The following TEAD1 variants were observed in gnomAD, a reference collection of about 807,000 sequenced individuals.
The protein encoded by TEAD1 is transcriptional enhancer factor TEF-1.
TEAD1 carries 9 observed loss-of-function variants against 54.9 expected under a neutral mutation model. That is an observed-to-expected ratio of 0.16 (90% confidence interval 0.10 to 0.29). TEAD1 has a LOEUF of 0.29. Ranked by LOEUF, TEAD1 falls within the 10% of genes least tolerant of loss-of-function variation. TEAD1 has a pLI of 1.00. For missense variants in TEAD1, 387 were observed against 535.9 expected (o/e 0.72, Z 2.74); for synonymous variants, 200 against 187.8 (o/e 1.07, Z -0.53).
In TEAD1 at chr11:12,934,544, A is replaced by AAAAT. The variant is rs575687713; in HGVS notation, c.1168-2549_1168-2546dup. On this transcript the variant is annotated intron_variant, in intron 12 of 12. Coordinates refer to ENST00000527636, the MANE Select transcript of TEAD1 (RefSeq NM_021961.6). ...TACCCTAAAACTTAAAGTATAATAA[A>AAAAT]AAATAAATAAATAAATAAAGCTAAA... Among the ~76,000 whole-genome samples, 11 of 152,106 alleles carry AAAAT rather than the reference A, an allele frequency of 7.2e-5. No individual in the cohort carries two copies. The East Asian group carries it at 1.2e-3, about 16-fold the overall frequency.
At chr11:12,767,595 G>T (rs1945230645) in intron 3 of TEAD1, among the ~76,000 whole-genome samples, 1 of 152,188 alleles carries the variant, frequency 6.6e-6, no homozygotes, top group Non-Finnish European at 1.5e-5. Flanking sequence ...GAGAAAAAAG[G>T]ACAACTCTAT....
At chr11:12,828,704 A>G (rs1340948330) in intron 3 of TEAD1, among the ~76,000 whole-genome samples, 2 of 119,036 alleles carry the variant, frequency 1.7e-5, no homozygotes, top group South Asian at 2.6e-4. Flanking sequence ...AATGGTACCT[A>G]TTAACCAAAA....
At chr11:12,754,008 CA>C (rs1359300493) in intron 2 of TEAD1, among the ~76,000 whole-genome samples, 3 of 152,254 alleles carry the variant, frequency 2.0e-5, no homozygotes, top group African/African-American at 7.2e-5. Context: ...CAGGGTAATG[CA>C]GTGTCACTTT....
intron 2 of TEAD1, among the ~76,000 whole-genome samples, chr11:12,715,957 C>T (rs1365188927): frequency 1.3e-5 from 2 of 152,086 alleles, no homozygotes; most frequent in South Asian, 2.1e-4. Flanking sequence ...AATCGTAATT[C>T]ATTTTTTTAC....
chr11:12,790,339 T>C (rs905444007), intron 3 of TEAD1, among the ~76,000 whole-genome samples: 6 of 152,220 alleles, frequency 3.9e-5, no homozygotes, highest in Non-Finnish European at 4.4e-5. Context: ...CAAGTCATTT[T>C]ACCTCTTGGG....
intron 5 of TEAD1, among the ~76,000 whole-genome samples, chr11:12,873,200 C>T (rs1743520946): frequency 1.3e-5 from 2 of 152,224 alleles, no homozygotes; most frequent in Non-Finnish European, 2.9e-5. Flanking sequence ...CACTCTGGAG[C>T]TTAACTTGAG....
At chr11:12,857,578 C>CTG (rs10694132) in intron 3 of TEAD1, among the ~76,000 whole-genome samples, 7,365 of 145,618 alleles carry the variant, frequency 0.051, 234 homozygotes, top group African/African-American at 0.087. Context: ...CTCTCTGTCT[C>CTG]TGTGTGTGTG....
chr11:12,679,483 A>G (rs1041799807), intron 2 of TEAD1, among the ~76,000 whole-genome samples: 2 of 152,192 alleles, frequency 1.3e-5, no homozygotes, highest in African/African-American at 4.8e-5. Flanking sequence ...TGTATGTGTA[A>G]AGTGACTGAA....
intron 12 of TEAD1, 69 bp downstream of exon 12, chr11:12,930,395 G>A: frequency 1.3e-6 from 2 of 1,595,340 alleles, no homozygotes; most frequent in Non-Finnish European, 1.7e-6. Context: ...GAGGAAGGTG[G>A]GCCTGGGAGG....
At chr11:12,936,980 A>G in intron 12 of TEAD1, 129 bp from the exon 13 acceptor site, 1 of 670,564 alleles carries the variant, frequency 1.5e-6, no homozygotes, top group South Asian at 1.7e-5. Context: ...TAGAGGACAC[A>G]GAGTGAGGCT....
chr11:12,846,255 C>G (rs998649464), intron 3 of TEAD1, among the ~76,000 whole-genome samples: 1 of 151,978 alleles, frequency 6.6e-6, no homozygotes, highest in Non-Finnish European at 1.5e-5. Context: ...CCCCCACCCC[C>G]CAGAGCCTCC....
intron 9 of TEAD1, among the ~76,000 whole-genome samples, chr11:12,897,172 C>A (rs1048922239): frequency 6.6e-5 from 10 of 152,102 alleles, no homozygotes; most frequent in Non-Finnish European, 1.5e-4. Context: ...TTGTTTTGTG[C>A]CCCATAGAAT....
chr11:12,775,146 C>T (rs141875013), intron 3 of TEAD1, among the ~76,000 whole-genome samples: 4 of 152,146 alleles, frequency 2.6e-5, no homozygotes, highest in African/African-American at 9.7e-5. Context: ...TTAAGCATCC[C>T]TAGTTCAGTT....
At chr11:12,756,948 T>TC (rs998512112) in intron 2 of TEAD1, among the ~76,000 whole-genome samples, 1 of 152,272 alleles carries the variant, frequency 6.6e-6, no homozygotes, top group African/African-American at 2.4e-5. Context: ...GCACCTTTTT[T>TC]CCCCCCAGTC....
intron 3 of TEAD1, among the ~76,000 whole-genome samples, chr11:12,831,751 T>C (rs979320076): frequency 6.7e-6 from 1 of 149,800 alleles, no homozygotes; most frequent in Non-Finnish European, 1.5e-5. Context: ...TGCTGTACTC[T>C]AGCCTGGTGA....
chr11:12,942,876 A>G lies in TEAD1; in HGVS notation c.*5654A>G, dbSNP rs760750692. 6 of 152,188 alleles carry G rather than the reference A, an allele frequency of 3.9e-5. No homozygotes were observed. Among genetic ancestry groups the G allele is most frequent in the Non-Finnish European group, 8.8e-5 (6 of 68,042 alleles). 9.4% of individuals were successfully genotyped at this position (152,188 alleles called of 1,614,324 possible). A position where few individuals can be genotyped will look rare whatever the true frequency, so the allele number is the denominator to read the frequency against. ...GAATGTTCCAGCCCTCAAAGGGGCA[A>G]CTCTTTAAAGTCCTTGTTGGCTTTT... On this transcript the variant is annotated 3_prime_UTR_variant, in exon 13 of 13. Transcript: ENST00000527636.
intron 10 of TEAD1, among the ~76,000 whole-genome samples, chr11:12,908,846 T>C (rs1039516961): frequency 6.6e-6 from 1 of 151,460 alleles, no homozygotes; most frequent in Non-Finnish European, 1.5e-5. Flanking sequence ...TTATGAAATA[T>C]CATGTTAGCT....
intron 5 of TEAD1, among the ~76,000 whole-genome samples, chr11:12,873,074 A>G (rs1462807263): frequency 1.3e-5 from 2 of 152,144 alleles, no homozygotes; most frequent in Admixed American, 6.5e-5. Flanking sequence ...TGCCTTCCCA[A>G]AGAGTACTGG....
chr11:12,911,280 C>T (rs547635918), intron 10 of TEAD1, among the ~76,000 whole-genome samples: 39 of 152,254 alleles, frequency 2.6e-4, no homozygotes, highest in Admixed American at 1.6e-3. Flanking sequence ...AGAAACTGGG[C>T]GCACAATAAC....
Sources: gnomAD v4.1 joint callset for allele counts (sites outside exome capture counted in the v4.1 genomes callset) on GRCh38, gnomAD v4.1.1 for gene constraint, MANE v1.5 for transcripts, NCBI Gene and HGNC (gene_info 2026-07-23, HGNC 2026-07-21) for gene names.